CILP: variants seen among roughly 807,000 people sequenced by gnomAD.
CILP encodes cartilage intermediate layer protein 1.
A neutral mutation model predicts 82.5 loss-of-function variants in CILP; 75 were observed. That is an observed-to-expected ratio of 0.91 (90% CI 0.75 to 1.10). CILP has a LOEUF of 1.10. CILP is among the 50% of genes least tolerant of loss of function. The pLI is 0.00. For missense variants in CILP, 1,479 were observed against 1,530.8 expected (o/e 0.97, Z 0.56); for synonymous variants, 530 against 580.3 (o/e 0.91, Z 1.25).
At chr15:65,208,696 T>C (rs1354570809) in intron 2 of CILP, among the ~76,000 whole-genome samples, 2 of 152,176 alleles carry the variant, frequency 1.3e-5, no homozygotes, top group Non-Finnish European at 2.9e-5. Flanking sequence ...GGTTGGGGTC[T>C]CCAGAATGGG....
rs1191297258 is a variant in CILP at position 65,198,686 on chromosome 15, T to C, written c.1600A>G (p.Thr534Ala). 1 of 1,614,262 alleles carries C rather than the reference T, an allele frequency of 6.2e-7. No homozygotes were observed. Among genetic ancestry groups the C allele is most frequent in the Non-Finnish European group, 8.5e-7 (1 of 1,180,050 alleles). Reference protein sequence around the residue: ...GTFTLHVPQDTERLVLTFVDR... With the variant: ...GTFTLHVPQDAERLVLTFVDR... Reference sequence around the variant, plus strand: ...ACAAATGTGAGCACCAGCCTCTCAGTGTCCTGGGGGACATGGAGGGTGAAA... The same window carrying C: ...ACAAATGTGAGCACCAGCCTCTCAGCGTCCTGGGGGACATGGAGGGTGAAA... The change falls in exon 9 of 9, where the codon ACT (threonine) becomes GCT (alanine). Residue 534 changes from threonine (T) to alanine (A), a missense_variant. Coordinates refer to ENST00000261883, the MANE Select transcript of CILP (RefSeq NM_003613.4).
In CILP at chr15:65,206,049, G is replaced by C. The variant is rs192865125; in HGVS notation, c.425-583C>G. 3.8e-3 allele frequency among the ~76,000 whole-genome samples: 586 copies of C among 152,278 alleles called. 4 individuals carry two copies. Among genetic ancestry groups the C allele is most frequent in the Admixed American group, 9.2e-3 (141 of 15,286 alleles). Reference sequence around the variant, plus strand: ...AAGATCCCCATCCAAGAAGGGAGCAGGCCTGCTCCCCATAACATCTGTATT... The same window carrying C: ...AAGATCCCCATCCAAGAAGGGAGCACGCCTGCTCCCCATAACATCTGTATT... On this transcript the variant is annotated intron_variant, in intron 4 of 8. Coordinates refer to ENST00000261883, the MANE Select transcript of CILP (RefSeq NM_003613.4).
Position 65,205,603 on chromosome 15 carries a change from T to A in CILP, c.425-137A>T, listed in dbSNP as rs1207247573. 3.3e-6 allele frequency: 3 copies of A among 915,734 alleles called. No homozygotes were observed. In the East Asian group the frequency reaches 8.1e-5, roughly 25 times the overall value. 56.7% of individuals were successfully genotyped at this position (915,734 alleles called of 1,614,324 possible). Reference sequence around the variant, plus strand: ...CGTAGATGTCACTGATATTTATATTTACTGCAGTGATTTTTCCAACAGACA... The same window carrying A: ...CGTAGATGTCACTGATATTTATATTAACTGCAGTGATTTTTCCAACAGACA... On this transcript the variant is annotated intron_variant, in intron 4 of 8. Coordinates refer to ENST00000261883, the MANE Select transcript of CILP (RefSeq NM_003613.4).
rs148331275 is a variant in CILP at position 65,205,374 on chromosome 15, G to A, written c.517C>T (p.Arg173Cys). 6 of 1,613,984 alleles carry A rather than the reference G, an allele frequency of 3.7e-6. No individual in the cohort carries two copies. The highest frequency in any genetic ancestry group is 4.5e-5 in the East Asian group (2 of 44,886). The change falls in exon 5 of 9, where the codon CGC (arginine) becomes TGC (cysteine). Residue 173 changes from arginine to cysteine, a missense_variant. Coordinates refer to ENST00000261883, the MANE Select transcript of CILP (RefSeq NM_003613.4). ...ATCTCTGCCAAGCAAATGCGTGTGC[G>A]AGTCTGGACCCCAGTCTGACCACAG... Reference protein sequence around the residue: ...AACGQTGVQTRTRICLAEMVS... With the variant: ...AACGQTGVQTCTRICLAEMVS...
chr15:65,204,635 T>C, intron 5 of CILP, 53 bp from the exon 6 acceptor site: 1 of 1,526,886 alleles, frequency 6.5e-7, no homozygotes, highest in Non-Finnish European at 8.8e-7. Context: ...TGGCATTCCT[T>C]CAGCCACATC....
intron 5 of CILP, 89 bp downstream of exon 5, chr15:65,205,194 AATCC>A: frequency 8.4e-7 from 1 of 1,193,092 alleles, no homozygotes; most frequent in Non-Finnish European, 1.2e-6. Context: ...TAAATGAAGG[AATCC>A]ATCAGTCTCA....
chr15:65,201,924 G>A lies in CILP; in HGVS notation c.1134C>T (p.Ala378=), dbSNP rs754617486. 3.1e-6 allele frequency: 5 copies of A among 1,609,234 alleles called. No homozygotes were observed. The East Asian group carries it at 1.1e-4, about 36-fold the overall frequency. ...QHQAGEYFCK[A]QSDAGAVKSK... Reference sequence around the variant, plus strand: ...ACTTCACAGCCCCAGCATCACTCTGGGCCTTGCAAAAGTACTCCCCAGCCT... The same window carrying A: ...ACTTCACAGCCCCAGCATCACTCTGAGCCTTGCAAAAGTACTCCCCAGCCT... The change falls in exon 8 of 9, where the codon GCC becomes GCT. Residue 378 remains alanine, a synonymous_variant. Coordinates refer to ENST00000261883, the MANE Select transcript of CILP (RefSeq NM_003613.4).
rs146803515 is a variant in CILP at position 65,200,577 on chromosome 15, C to G, written c.1186+1295G>C. Among the ~76,000 whole-genome samples, 430 of 152,318 alleles carry G rather than the reference C, an allele frequency of 2.8e-3. 1 individual carries two copies. The highest frequency in any genetic ancestry group is 5.1e-3 in the Non-Finnish European group (347 of 68,032). On this transcript the variant is annotated intron_variant, in intron 8 of 8. Coordinates refer to ENST00000261883, the MANE Select transcript of CILP (RefSeq NM_003613.4). ...TCCAGTTCTGTTCTTGAAGCCAGCTCTAGATCACCCTTTCTTGTAAAGCCC... is the reference window on the plus strand; with the variant it reads ...TCCAGTTCTGTTCTTGAAGCCAGCTGTAGATCACCCTTTCTTGTAAAGCCC...
chr15:65,196,858 G>A lies in CILP; in HGVS notation c.3428C>T (p.Ala1143Val), dbSNP rs113897617. Residue 1143 changes from alanine to valine, a missense_variant, in exon 9 of 9, where the codon GCA (alanine) becomes GTA (valine). Physicochemically the swap from Ala to Val is moderately conservative, Grantham distance 64. Transcript: ENST00000261883. ...GGGCACTCTTCCTTGGACAGTGCCTGCAGCAGGGGACTGGGCTGGGGTGCT... is the reference window on the plus strand; with the variant it reads ...GGGCACTCTTCCTTGGACAGTGCCTACAGCAGGGGACTGGGCTGGGGTGCT... ...LQSTPAQSPA[A>V]GTVQGRVPSR... 1.2e-5 allele frequency: 20 copies of A among 1,613,866 alleles called. No individual in the cohort carries two copies. The highest frequency in any genetic ancestry group is 5.3e-5 in the African/African-American group (4 of 75,044).
intron 1 of CILP, 96 bp from the exon 2 acceptor site, chr15:65,209,957 G>A: frequency 1.8e-6 from 1 of 557,552 alleles, no homozygotes; most frequent in South Asian, 2.2e-5. Flanking sequence ...AGGGAAAGGT[G>A]GACAGAATGA....
Position 65,209,831 on chromosome 15 carries a change from G to A in CILP, c.-76C>T. On this transcript the variant is annotated 5_prime_UTR_variant, in exon 2 of 9. Coordinates refer to ENST00000261883, the MANE Select transcript of CILP (RefSeq NM_003613.4). ...ACAGAGTCACTGACTCTGGAATGCGGTCCCCTGGGAAGTTTCTCAGATCCA... is the reference window on the plus strand; with the variant it reads ...ACAGAGTCACTGACTCTGGAATGCGATCCCCTGGGAAGTTTCTCAGATCCA... The A allele has an allele frequency of 7.4e-7, 1 of 1,345,590 alleles. No homozygotes were observed. The allele number at this position is 1,345,590 out of a possible 1,614,324, so 83.4% of individuals were successfully genotyped here.
intron 8 of CILP, among the ~76,000 whole-genome samples, chr15:65,199,596 G>C (rs1176787975): frequency 6.6e-6 from 1 of 152,234 alleles, no homozygotes; most frequent in Non-Finnish European, 1.5e-5. Context: ...GCCAAGGTGG[G>C]TGGGTTGCTT....
In CILP at chr15:65,198,876, G is replaced by A; in HGVS notation, c.1410C>T (p.Tyr470=). 3 of 1,613,956 alleles carry A rather than the reference G, an allele frequency of 1.9e-6. No homozygotes were observed. The highest frequency in any genetic ancestry group is 2.5e-6 in the Non-Finnish European group (3 of 1,179,960). The change falls in exon 9 of 9, where the codon TAC becomes TAT. Residue 470 remains tyrosine, a synonymous_variant. Coordinates refer to ENST00000261883, the MANE Select transcript of CILP (RefSeq NM_003613.4). The stretch of plus-strand genomic sequence containing the variant: ...CCTTGGCCACCTTGGTGGGTAGCGT[G>A]TAGCCACTGCACTGGATCTCCCTTT... ...TEEREIQCSG[Y]TLPTKVAKEC...
Position 65,204,980 on chromosome 15 carries a change from T to C in CILP, c.604+307A>G, listed in dbSNP as rs191296582. On this transcript the variant is annotated intron_variant, in intron 5 of 8. Transcript: ENST00000261883. ...GCTGGAGTAAGCCAAGATTGCGCCA[T>C]TGCACTCCAGCCTGGGCAATGGAGC... Among the ~76,000 whole-genome samples, 488 of 152,122 alleles carry C rather than the reference T, an allele frequency of 3.2e-3. 2 individuals are homozygous for C. Among genetic ancestry groups the C allele is most frequent in the Middle Eastern group, 0.024 (7 of 294 alleles).
chr15:65,201,137 G>C (rs550653279), intron 8 of CILP, among the ~76,000 whole-genome samples: 2 of 152,156 alleles, frequency 1.3e-5, no homozygotes, highest in East Asian at 3.9e-4. Flanking sequence ...GAGTAGCTGG[G>C]ATTACAGGCG....
rs2088398034 is a variant in CILP, at chr15:65,198,057, G to A, written c.2229C>T (p.Asn743=). 6.2e-7 allele frequency: 1 copy of A among 1,614,202 alleles called. No homozygotes were observed. The part of the protein sequence containing the change: ...NLEIRERRLF[N]LDVPESRRCF... ...ACCGCCTGCTTTCAGGAACATCCAG[G>A]TTAAAGAGCCTCCTCTCACGAATCT... is the stretch of plus-strand genomic sequence containing the variant. Residue 743 remains asparagine, a synonymous_variant, in exon 9 of 9, where the codon AAC becomes AAT. Transcript: ENST00000261883.
At position 65,199,051 on chromosome 15, in the gene CILP, C is replaced by G; in HGVS notation, c.1235G>C (p.Arg412Pro). 2 of 1,601,592 alleles carry G rather than the reference C, an allele frequency of 1.2e-6. No homozygotes were observed. Among genetic ancestry groups the G allele is most frequent in the South Asian group, 2.2e-5 (2 of 90,906 alleles). The change falls in exon 9 of 9, where the codon CGG (arginine) becomes CCG (proline). Residue 412 changes from arginine (R) to proline (P), a missense_variant. By Grantham distance (103) the Arg-to-Pro change is moderately radical (BLOSUM62 -2). Coordinates refer to ENST00000261883, the MANE Select transcript of CILP (RefSeq NM_003613.4). Reference protein sequence around the residue: ...CNPVPESYLIRLPHDCFQNAT... With the variant: ...CNPVPESYLIPLPHDCFQNAT... ...ATTCTGAAAGCAATCATGGGGCAGC[C>G]GGATAAGATAGCTCTCAGGAACTGG...
At chr15:65,206,731 A>G (rs1446967209) in intron 4 of CILP, 51 bp downstream of exon 4, 1 of 1,512,138 alleles carries the variant, frequency 6.6e-7, no homozygotes, top group South Asian at 1.2e-5. Context: ...CCTCTCCCTG[A>G]GTAGAGGCCA....
chr15:65,203,649 C>T (rs995701069), intron 6 of CILP, among the ~76,000 whole-genome samples, 179 bp from the exon 7 acceptor site: 1 of 152,190 alleles, frequency 6.6e-6, no homozygotes, highest in African/African-American at 2.4e-5. Context: ...TATCCTTCCA[C>T]ACCCCCAATC....
Sources: allele counts gnomAD v4.1 joint callset (sites outside exome capture counted in the v4.1 genomes callset), GRCh38; gene constraint gnomAD v4.1.1; transcripts MANE v1.5; gene names NCBI Gene and HGNC (gene_info 2026-07-23, HGNC 2026-07-21).